The following FAP variants were observed in gnomAD, a reference collection of about 807,000 sequenced individuals.
FAP encodes fibroblast activation protein alpha.
FAP carries 110 observed loss-of-function variants against 126.5 expected under a neutral mutation model. That is an observed-to-expected ratio of 0.87 (90% CI 0.74 to 1.02). The LOEUF is 1.02. Among genes scored for constraint, FAP ranks in the 50% least tolerant of loss-of-function variants. The pLI is 0.00. For missense variants in FAP, 919 were observed against 909.2 expected (o/e 1.01, Z -0.14); for synonymous variants, 334 against 297.3 (o/e 1.12, Z -1.27).
chr2:162,207,996 G>A lies in FAP; in HGVS notation c.1047+1956C>T, dbSNP rs1189507977. Among the ~76,000 whole-genome samples the A allele has an allele frequency of 2.6e-5, 4 of 151,836 alleles. No homozygotes were observed. The South Asian group carries it at 6.2e-4, about 24-fold the overall frequency. On this transcript the variant is annotated intron_variant, in intron 12 of 25. Transcript: ENST00000188790. ...AGCTGGGCCAGGGGCGGTGGCTCAT[G>A]CCTGTAATCCCAACTCTTTGGGAGG... is the stretch of plus-strand genomic sequence containing the variant.
At chr2:162,216,481 T>C (rs192390133) in intron 9 of FAP, among the ~76,000 whole-genome samples, 2 of 152,314 alleles carry the variant, frequency 1.3e-5, no homozygotes, top group South Asian at 2.1e-4. Flanking sequence ...AAATGCTCAG[T>C]CTCCTACCTG....
chr2:162,205,317 G>T (rs955118839), intron 12 of FAP, among the ~76,000 whole-genome samples: 9 of 152,070 alleles, frequency 5.9e-5, no homozygotes, highest in Non-Finnish European at 1.2e-4. Context: ...TTTGCATATT[G>T]AGACTAATGC....
At chr2:162,191,824 G>A (rs144821140) in intron 17 of FAP, among the ~76,000 whole-genome samples, 30 of 152,144 alleles carry the variant, frequency 2.0e-4, no homozygotes, top group Middle Eastern at 6.8e-3. Flanking sequence ...GGATTCCCAC[G>A]GAATCTGGTT....
Position 162,200,627 on chromosome 2 carries a change from T to C in FAP, c.1224-8A>G. 7.7e-7 allele frequency: 1 copy of C among 1,296,608 alleles called. No homozygotes were observed. Among genetic ancestry groups the C allele is most frequent in the Non-Finnish European group, 1.1e-6 (1 of 920,436 alleles). The allele number at this position is 1,296,608 out of a possible 1,614,324, so 80.3% of individuals were successfully genotyped here. A position where few individuals can be genotyped will look rare whatever the true frequency, so the allele number is the denominator to read the frequency against. ...TCATTGCTAGAATAAAACCTGAAAATATATTCAGAAATTATTAAGTATTGA... is the reference window on the plus strand; with the variant it reads ...TCATTGCTAGAATAAAACCTGAAAACATATTCAGAAATTATTAAGTATTGA... On this transcript the variant is annotated splice_polypyrimidine_tract_variant and splice_region_variant and intron_variant, in intron 14 of 25. Coordinates refer to ENST00000188790, the MANE Select transcript of FAP (RefSeq NM_004460.5).
rs1576189670 is a variant in FAP, at chr2:162,225,474, G to A, written c.285+9C>T. 9 of 1,594,770 alleles carry A rather than the reference G, an allele frequency of 5.6e-6. No homozygotes were observed. The East Asian group carries it at 2.0e-4, about 36-fold the overall frequency. ...GTTTCTGAGGGGGAAGATGATGTTG[G>A]ATACATACCATGGTTCTATTACTCA... On this transcript the variant is annotated intron_variant, in intron 4 of 25. Transcript: ENST00000188790.
intron 8 of FAP, among the ~76,000 whole-genome samples, chr2:162,218,476 A>C (rs1458114900): frequency 6.6e-6 from 1 of 152,082 alleles, no homozygotes; most frequent in African/African-American, 2.4e-5. Context: ...AACAGAAAGA[A>C]CTATAATTGT....
chr2:162,196,509 C>T (rs1290857635), intron 16 of FAP, among the ~76,000 whole-genome samples: 1 of 149,544 alleles, frequency 6.7e-6, no homozygotes, highest in African/African-American at 2.5e-5. Context: ...ATAATGGAAA[C>T]TTGCATATCT....
rs1430969881 is a variant in FAP at position 162,179,808 on chromosome 2, A to T, written c.1869+3606T>A. On this transcript the variant is annotated intron_variant, in intron 21 of 25. Transcript: ENST00000188790. ...TATCTATCTATATATATATATATAT[A>T]TATATTTTTTTTTTTTTTGAGATGG... Among the ~76,000 whole-genome samples, 809 of 133,914 alleles carry T rather than the reference A, an allele frequency of 6.0e-3. 12 individuals carry two copies. The highest frequency in any genetic ancestry group is 0.02 in the African/African-American group (703 of 35,888). 87.9% of individuals were successfully genotyped at this position (133,914 alleles called of 152,430 possible).
intron 20 of FAP, 94 bp downstream of exon 20, chr2:162,188,069 GAAAAAC>G (rs1687915707): frequency 9.8e-7 from 1 of 1,017,214 alleles, no homozygotes; most frequent in Non-Finnish European, 1.4e-6. Context: ...GTTAGAAAAA[GAAAAAC>G]AAAAGAATTA....
chr2:162,221,555 T>C, intron 6 of FAP: 2 of 383,078 alleles, frequency 5.2e-6, no homozygotes, highest in South Asian at 3.8e-5. Context: ...ATTCTTCACC[T>C]GGTTCACAAT....
chr2:162,217,889 G>A (rs1689214799), intron 9 of FAP, 97 bp downstream of exon 9: 2 of 861,520 alleles, frequency 2.3e-6, no homozygotes, highest in Admixed American at 2.7e-5. Context: ...AGGATAAGAA[G>A]CTCTCCAAAC....
At chr2:162,174,672 C>T (rs957476546) in intron 22 of FAP, among the ~76,000 whole-genome samples, 195 bp downstream of exon 22, 2 of 152,092 alleles carry the variant, frequency 1.3e-5, no homozygotes, top group African/African-American at 4.8e-5. Flanking sequence ...ATGAGCCTTT[C>T]CTCACTCTTG....
At chr2:162,172,978 T>A in intron 24 of FAP, 94 bp from the exon 25 acceptor site, 1 of 1,138,586 alleles carries the variant, frequency 8.8e-7, no homozygotes, top group Non-Finnish European at 1.3e-6. Context: ...AACAATTATC[T>A]AGTCATGCAT....
intron 5 of FAP, 23 bp from the exon 6 acceptor site, chr2:162,223,683 A>G: frequency 6.4e-7 from 1 of 1,557,728 alleles, no homozygotes; most frequent in Non-Finnish European, 8.9e-7. Context: ...AGAAAGACAA[A>G]AAACAAATTG....
In FAP at chr2:162,170,871, G is replaced by T; in HGVS notation, c.*108C>A. The T allele has an allele frequency of 1.3e-6, 1 of 770,744 alleles. No individual in the cohort carries two copies. The highest frequency in any genetic ancestry group is 2.1e-6 in the Non-Finnish European group (1 of 467,662). The allele number at this position is 770,744 out of a possible 1,614,324, so 47.7% of individuals were successfully genotyped here. On this transcript the variant is annotated 3_prime_UTR_variant, in exon 26 of 26. Transcript: ENST00000188790. Reference sequence around the variant, plus strand: ...ACAGCCTTTAGAACAACATTAATTTGTTTGTTTATACTAGCATTTTACAAC... The same window carrying T: ...ACAGCCTTTAGAACAACATTAATTTTTTTGTTTATACTAGCATTTTACAAC...
intron 4 of FAP, 68 bp from the exon 5 acceptor site, chr2:162,224,608 T>G (rs1689558190): frequency 1.1e-6 from 1 of 937,906 alleles, no homozygotes; most frequent in African/African-American, 1.7e-5. Flanking sequence ...TTTGTAGTTT[T>G]AAAAGAATAT....
intron 2 of FAP, among the ~76,000 whole-genome samples, chr2:162,229,686 A>T (rs1689812286): frequency 6.6e-6 from 1 of 152,180 alleles, no homozygotes; most frequent in African/African-American, 2.4e-5. Flanking sequence ...CAGAGTTCTC[A>T]AAAAGATTCT....
At chr2:162,207,803 C>T (rs1019272508) in intron 12 of FAP, among the ~76,000 whole-genome samples, 12 of 151,678 alleles carry the variant, frequency 7.9e-5, no homozygotes, top group African/African-American at 2.9e-4. Context: ...CTCCGCCTCC[C>T]AGGTTCACGC....
chr2:162,227,777 A>G (rs1405856360), intron 2 of FAP, among the ~76,000 whole-genome samples: 1 of 152,020 alleles, frequency 6.6e-6, no homozygotes, highest in East Asian at 1.9e-4. Flanking sequence ...CTTTCTAGCC[A>G]CTAACAAGCC....
Sources: allele counts gnomAD v4.1 joint callset (sites outside exome capture counted in the v4.1 genomes callset), GRCh38; gene constraint gnomAD v4.1.1; transcripts MANE v1.5; gene names NCBI Gene and HGNC (gene_info 2026-07-23, HGNC 2026-07-21).